Variants in FAM227B observed in about 807,000 individuals in gnomAD.
FAM227B encodes the protein protein FAM227B.
In FAM227B, 88 loss-of-function variants were observed where a neutral mutation model predicts 73.8. That is an observed-to-expected ratio of 1.19 (90% confidence interval 1.00 to 1.42). FAM227B has a LOEUF of 1.42. FAM227B is among the 40% of genes most tolerant of loss of function. The pLI, the probability that FAM227B is intolerant of heterozygous loss-of-function variation, is 0.00. For synonymous variants in FAM227B, 210 were observed against 190.5 expected (o/e 1.10, Z -0.84); for missense variants, 632 against 590.9 (o/e 1.07, Z -0.72).
intron 11 of FAM227B, among the ~76,000 whole-genome samples, chr15:49,447,583 C>T (rs1304895153): frequency 1.3e-5 from 2 of 151,682 alleles, no homozygotes; most frequent in South Asian, 2.1e-4. Context: ...TACATGTTCA[C>T]CATCAGTGGT....
intron 11 of FAM227B, among the ~76,000 whole-genome samples, chr15:49,462,126 A>G (rs1347282803): frequency 6.6e-6 from 1 of 152,176 alleles, no homozygotes; most frequent in Non-Finnish European, 1.5e-5. Flanking sequence ...CTCAAAAAAA[A>G]AATTGTATTT....
At chr15:49,598,621 T>C (rs1485348330) in intron 3 of FAM227B, among the ~76,000 whole-genome samples, 8 of 152,048 alleles carry the variant, frequency 5.3e-5, no homozygotes, top group African/African-American at 1.9e-4. Context: ...AGTACATTCC[T>C]TCTGCACCTA....
intron 11 of FAM227B, among the ~76,000 whole-genome samples, chr15:49,405,398 T>C (rs369382972): frequency 1.3e-5 from 2 of 152,226 alleles, no homozygotes; most frequent in East Asian, 1.9e-4. Context: ...CAATGAGTCA[T>C]AGAGTTGGTT....
intron 13 of FAM227B, among the ~76,000 whole-genome samples, chr15:49,363,600 T>C (rs1186880393): frequency 6.6e-6 from 1 of 152,186 alleles, no homozygotes; most frequent in African/African-American, 2.4e-5. Context: ...CTGTTCTTAT[T>C]TGAATGCCTT....
chr15:49,385,096 A>G (rs1253593574), intron 11 of FAM227B, among the ~76,000 whole-genome samples: 1 of 151,870 alleles, frequency 6.6e-6, no homozygotes, highest in East Asian at 1.9e-4. Context: ...ATGTCACTCA[A>G]GGGTTTTGGA....
intron 10 of FAM227B, among the ~76,000 whole-genome samples, chr15:49,539,552 T>A (rs1279600441): frequency 2.6e-5 from 4 of 152,076 alleles, no homozygotes; most frequent in Non-Finnish European, 4.4e-5. Context: ...TGCAGCAGCA[T>A]TAATAATGGT....
chr15:49,529,320 G>A (rs927987410), intron 10 of FAM227B, among the ~76,000 whole-genome samples: 1 of 151,596 alleles, frequency 6.6e-6, no homozygotes, highest in African/African-American at 2.4e-5. Flanking sequence ...GACTCCAAAA[G>A]AGGGGAGGTT....
At chr15:49,572,027 T>C (rs900408548) in intron 8 of FAM227B, among the ~76,000 whole-genome samples, 3 of 152,048 alleles carry the variant, frequency 2.0e-5, no homozygotes, top group Non-Finnish European at 4.4e-5. Flanking sequence ...ATTTCTTTCA[T>C]CAGTATTTTA....
chr15:49,590,370 G>C (rs1025842389), intron 3 of FAM227B, among the ~76,000 whole-genome samples: 1 of 152,072 alleles, frequency 6.6e-6, no homozygotes, highest in Non-Finnish European at 1.5e-5. Flanking sequence ...AGTTTCAGTG[G>C]AACCAATTAT....
chr15:49,493,169 G>C (rs1168781718), intron 11 of FAM227B, among the ~76,000 whole-genome samples: 1 of 151,806 alleles, frequency 6.6e-6, no homozygotes, highest in Non-Finnish European at 1.5e-5. Flanking sequence ...CATCCTATTT[G>C]TTTTTCTGTT....
intron 13 of FAM227B, chr15:49,366,590 G>C (rs1279993328): frequency 1.9e-6 from 3 of 1,599,106 alleles, no homozygotes; most frequent in Non-Finnish European, 2.6e-6. Flanking sequence ...ATTTCCAGAC[G>C]CATGCAAGAT....
chr15:49,454,000 A>T (rs1236406051), intron 11 of FAM227B, among the ~76,000 whole-genome samples: 1 of 152,104 alleles, frequency 6.6e-6, no homozygotes, highest in African/African-American at 2.4e-5. Flanking sequence ...ATATTCTCTT[A>T]AACTGAATCC....
At chr15:49,619,500 A>G (rs2078522827) in intron 1 of FAM227B, among the ~76,000 whole-genome samples, 1 of 152,220 alleles carries the variant, frequency 6.6e-6, no homozygotes, top group Non-Finnish European at 1.5e-5. Context: ...CCGGCCATAT[A>G]GTTACAGAAG....
At chr15:49,489,719 G>A (rs1031554619) in intron 11 of FAM227B, among the ~76,000 whole-genome samples, 3 of 144,588 alleles carry the variant, frequency 2.1e-5, no homozygotes, top group African/African-American at 7.6e-5. Context: ...TGATTTCAAT[G>A]GTAGGTACAC....
chr15:49,336,900 G>T (rs1034579302), intron 13 of FAM227B, among the ~76,000 whole-genome samples: 1 of 152,066 alleles, frequency 6.6e-6, no homozygotes, highest in Non-Finnish European at 1.5e-5. Context: ...TTGTTGACAC[G>T]TTTATGTCCA....
Position 49,597,560 on chromosome 15 carries a change from C to G in FAM227B, c.106-7553G>C, listed in dbSNP as rs189886959. 2.0e-3 allele frequency among the ~76,000 whole-genome samples: 300 copies of G among 151,896 alleles called. 1 individual carries two copies. The highest frequency in any genetic ancestry group is 6.9e-3 in the African/African-American group (287 of 41,490). On this transcript the variant is annotated intron_variant, in intron 3 of 15. Transcript: ENST00000299338. ...CAATCTAAGGTGACACCTCAAGGAA[C>G]CAGAGAAAACAGAAACCAAACCAAA...
intron 11 of FAM227B, chr15:49,396,210 T>A (rs1354587730): frequency 1.4e-5 from 5 of 346,516 alleles, no homozygotes; most frequent in South Asian, 1.1e-4. Flanking sequence ...GGGAGTTCCC[T>A]TTCCGAGTCA....
chr15:49,375,520 A>G (rs1283738114), intron 11 of FAM227B, among the ~76,000 whole-genome samples: 1 of 152,090 alleles, frequency 6.6e-6, no homozygotes, highest in African/African-American at 2.4e-5. Flanking sequence ...TTTTATAAGA[A>G]CCAAAGTGAC....
intron 10 of FAM227B, among the ~76,000 whole-genome samples, chr15:49,538,518 G>A (rs1040267447): frequency 6.6e-6 from 1 of 152,128 alleles, no homozygotes; most frequent in African/African-American, 2.4e-5. Flanking sequence ...TTGGGTACCA[G>A]GGGGTGCAAA....
Sources: allele counts gnomAD v4.1 joint callset (sites outside exome capture counted in the v4.1 genomes callset), GRCh38; gene constraint gnomAD v4.1.1; transcripts MANE v1.5; gene names NCBI Gene and HGNC (gene_info 2026-07-23, HGNC 2026-07-21).